CHD1L: variants seen among roughly 807,000 people sequenced by gnomAD.
The protein encoded by CHD1L is chromodomain helicase DNA binding protein 1 like.
CHD1L carries 118 observed loss-of-function variants against 115.9 expected under a neutral mutation model. That is an observed-to-expected ratio of 1.02 (90% CI 0.88 to 1.19). The LOEUF is 1.19. Ranked by LOEUF, CHD1L falls within the 50% of genes most tolerant of loss-of-function variation. The pLI is 0.00. For synonymous variants in CHD1L, 411 were observed against 387.1 expected, an observed-to-expected ratio of 1.06 and a Z score of -0.72; for missense variants, 1,179 against 1,065.3, an observed-to-expected ratio of 1.11 and a Z score of -1.49.
intron 19 of CHD1L, among the ~76,000 whole-genome samples, chr1:147,288,317 T>C (rs748849614): frequency 2.4e-5 from 1 of 42,470 alleles, no homozygotes; most frequent in Non-Finnish European, 3.9e-5. Context: ...AGTGAGACCC[T>C]GTTTCAATAA....
intron 6 of CHD1L, among the ~76,000 whole-genome samples, chr1:147,262,401 CA>C (rs1571805503): frequency 6.6e-6 from 1 of 152,198 alleles, no homozygotes; most frequent in East Asian, 1.9e-4. Flanking sequence ...TATTTACAAA[CA>C]GAGATGGTCT....
intron 6 of CHD1L, chr1:147,260,902 C>T (rs1175782214): frequency 6.6e-6 from 1 of 152,086 alleles, no homozygotes; most frequent in Non-Finnish European, 1.5e-5. Context: ...TTTTTATTGA[C>T]CTGGTAAAGA....
intron 1 of CHD1L, among the ~76,000 whole-genome samples, chr1:147,245,249 C>A (rs1553933131): frequency 6.6e-6 from 1 of 152,120 alleles, no homozygotes; most frequent in African/African-American, 2.4e-5. Context: ...TAGCCAGGCA[C>A]GTGACTGGGA....
At chr1:147,284,586 C>A in intron 16 of CHD1L, 87 bp downstream of exon 16, 2 of 1,183,386 alleles carry the variant, frequency 1.7e-6, no homozygotes, top group South Asian at 1.7e-5. Flanking sequence ...TCGTTTTGTT[C>A]TCTTAGGATG....
chr1:147,248,461 G>C (rs1667338040), intron 1 of CHD1L, among the ~76,000 whole-genome samples: 1 of 152,158 alleles, frequency 6.6e-6, no homozygotes, highest in African/African-American at 2.4e-5. Flanking sequence ...TCCCGCCTCA[G>C]CCTCCCAAAG....
At chr1:147,274,775 G>C (rs1286669473) in intron 12 of CHD1L, among the ~76,000 whole-genome samples, 3 of 152,010 alleles carry the variant, frequency 2.0e-5, no homozygotes, top group Non-Finnish European at 2.9e-5. Flanking sequence ...CTTTCTTTTT[G>C]ATTAATGTGG....
At chr1:147,179,781 A>C in the CHD1L span, among the ~76,000 whole-genome samples, 1 of 151,952 alleles carries the variant, frequency 6.6e-6, no homozygotes. Context: ...TCTCTAAGCC[A>C]TTTCTTAGCT....
chr1:147,224,775 G>C, the CHD1L span: 1 of 889,914 alleles, frequency 1.1e-6, no homozygotes, highest in Non-Finnish European at 1.8e-6. Context: ...CTCCCAAAGT[G>C]CTAGGATTAC....
the CHD1L span, among the ~76,000 whole-genome samples, chr1:147,219,840 C>CTTT: frequency 3.2e-4 from 42 of 132,868 alleles, 1 homozygote; most frequent in Admixed American, 6.9e-4. Flanking sequence ...ATGTTAATTG[C>CTTT]TTTTTTTTTT....
chr1:147,248,371 G>A (rs1667306194), intron 1 of CHD1L, among the ~76,000 whole-genome samples: 1 of 151,980 alleles, frequency 6.6e-6, no homozygotes, highest in Non-Finnish European at 1.5e-5. Flanking sequence ...ACCATACCCG[G>A]CTAATTTTGT....
At chr1:147,285,095 G>A (rs587627547) in intron 16 of CHD1L, among the ~76,000 whole-genome samples, 2 of 152,314 alleles carry the variant, frequency 1.3e-5, no homozygotes, top group South Asian at 4.1e-4. Flanking sequence ...CCATGCCAAT[G>A]CTAGGGCTGA....
At chr1:147,240,078 T>C (rs1553930395), upstream of CHD1L, among the ~76,000 whole-genome samples, 2 of 152,250 alleles carry the variant, frequency 1.3e-5, no homozygotes, top group African/African-American at 4.8e-5. Context: ...GTTTTACTTT[T>C]GTCTTAGCAT....
chr1:147,189,783 C>G, the CHD1L span, among the ~76,000 whole-genome samples: 1 of 152,128 alleles, frequency 6.6e-6, no homozygotes, highest in African/African-American at 2.4e-5. Flanking sequence ...GTAAATCTAC[C>G]TACAGATTTG....
At chr1:147,242,497 C>A, upstream of CHD1L, 1 of 436,272 alleles carries the variant, frequency 2.3e-6, no homozygotes, top group Non-Finnish European at 3.7e-6. Context: ...GAGAACTGGG[C>A]AGCCCTTCCA....
chr1:147,292,057 T>C (rs587712489), intron 20 of CHD1L, among the ~76,000 whole-genome samples: 1 of 152,148 alleles, frequency 6.6e-6, no homozygotes, highest in Non-Finnish European at 1.5e-5. Context: ...ACTTCCCCTG[T>C]CCCCAGGCTT....
chr1:147,191,436 G>A, the CHD1L span, among the ~76,000 whole-genome samples: 6 of 152,138 alleles, frequency 3.9e-5, no homozygotes, highest in Non-Finnish European at 5.9e-5. Context: ...GATGGCCAGC[G>A]ATGATGAGAA....
At chr1:147,224,684 G>T in the CHD1L span, among the ~76,000 whole-genome samples, 1 of 151,728 alleles carries the variant, frequency 6.6e-6, no homozygotes, top group African/African-American at 2.4e-5. Context: ...TAATTTTTTT[G>T]CATTTTTAGT....
the CHD1L span, chr1:147,211,049 A>G: frequency 2.6e-5 from 4 of 152,230 alleles, no homozygotes; most frequent in Non-Finnish European, 4.4e-5. Context: ...GTTAGAACTC[A>G]GCAATTGAGT....
At chr1:147,226,549 CAG>C in the CHD1L span, among the ~76,000 whole-genome samples, 8 of 152,250 alleles carry the variant, frequency 5.3e-5, no homozygotes, top group African/African-American at 1.4e-4. Flanking sequence ...ACCAATATAA[CAG>C]ATACAAGATT....
Sources: gnomAD v4.1 joint callset for allele counts (sites outside exome capture counted in the v4.1 genomes callset) on GRCh38, gnomAD v4.1.1 for gene constraint, MANE v1.5 for transcripts, NCBI Gene and HGNC (gene_info 2026-07-23, HGNC 2026-07-21) for gene names.